ERCC6: variants seen among roughly 807,000 people sequenced by gnomAD.
The protein encoded by ERCC6 is ERCC excision repair 6, chromatin remodeling factor.
ERCC6 carries 116 observed loss-of-function variants against 158.7 expected under a neutral mutation model. The ratio of observed to expected loss-of-function variants is 0.73; its 90% CI spans 0.63 to 0.85. The LOEUF is 0.85. Among genes scored for constraint, ERCC6 ranks in the 40% least tolerant of loss-of-function variants. ERCC6 has a pLI of 0.00. For synonymous variants in ERCC6, 678 were observed against 659.3 expected, an observed-to-expected ratio of 1.03 and a Z score of -0.43; for missense variants, 1,698 against 1,799.4, an observed-to-expected ratio of 0.94 and a Z score of 1.02.
intron 20 of ERCC6, chr10:49,460,052 T>C (rs929046464): frequency 2.4e-6 from 1 of 418,416 alleles, no homozygotes; most frequent in Non-Finnish European, 4.5e-6. Context: ...TTTCAGAGGG[T>C]TGTGGTCTCT....
intron 8 of ERCC6, among the ~76,000 whole-genome samples, chr10:49,487,598 C>A (rs540328862): frequency 6.6e-6 from 1 of 152,166 alleles, no homozygotes; most frequent in African/African-American, 2.4e-5. Flanking sequence ...GTCAGACCTG[C>A]GACCTTTAGA....
intron 18 of ERCC6, among the ~76,000 whole-genome samples, chr10:49,469,653 C>T (rs992895921): frequency 6.6e-6 from 1 of 152,196 alleles, no homozygotes; most frequent in Admixed American, 6.5e-5. Flanking sequence ...TCAAGGCCAT[C>T]ACATTGTGAA....
chr10:49,483,740 G>A (rs1851023060), intron 8 of ERCC6, among the ~76,000 whole-genome samples: 1 of 151,598 alleles, frequency 6.6e-6, no homozygotes, highest in East Asian at 1.9e-4. Flanking sequence ...AGATGACAAA[G>A]TTATAATACA....
chr10:49,501,392 G>A (rs1182901255), intron 6 of ERCC6: 2 of 151,998 alleles, frequency 1.3e-5, no homozygotes, highest in Non-Finnish European at 2.9e-5. Context: ...GTTTACCAAA[G>A]GTACGAAAAG....
chr10:49,484,077 G>A (rs181313599), intron 8 of ERCC6, among the ~76,000 whole-genome samples: 11 of 150,220 alleles, frequency 7.3e-5, no homozygotes, highest in South Asian at 2.1e-4. Context: ...CCAGGAGTTC[G>A]AGACCAGCCT....
chr10:49,524,779 T>C lies in ERCC6; in HGVS notation c.653-2A>G, dbSNP rs1837271887. On this transcript the variant is annotated splice_acceptor_variant, in intron 4 of 20. Transcript: ENST00000355832. LOFTEE classifies it high-confidence loss of function. ...TGCCAAGACTGGATGGCCCCGGCTC[T>C]GAAAGAACAATAGCAATGCGTTTCG... The C allele has an allele frequency of 2.5e-6, 4 of 1,600,854 alleles. No homozygotes were observed. The highest frequency in any genetic ancestry group is 3.4e-6 in the Non-Finnish European group (4 of 1,179,930).
At chr10:49,479,589 C>T (rs753266801) in intron 10 of ERCC6, among the ~76,000 whole-genome samples, 4 of 152,142 alleles carry the variant, frequency 2.6e-5, no homozygotes, top group Non-Finnish European at 1.5e-5. Context: ...ATTATGATTT[C>T]TGATGCAGAG....
At chr10:49,523,832 A>G (rs1318977897) in intron 5 of ERCC6, among the ~76,000 whole-genome samples, 1 of 152,042 alleles carries the variant, frequency 6.6e-6, no homozygotes, top group Non-Finnish European at 1.5e-5. Flanking sequence ...AAGACCTAGA[A>G]GTACATGCAT....
chr10:49,534,364 T>G (rs1230963679), intron 1 of ERCC6, among the ~76,000 whole-genome samples: 4 of 152,194 alleles, frequency 2.6e-5, no homozygotes, highest in Non-Finnish European at 5.9e-5. Flanking sequence ...GTCAAGCAAT[T>G]CTAGGTATTT....
At chr10:49,482,962 TCA>T in intron 9 of ERCC6, 99 bp from the exon 10 acceptor site, 1 of 1,276,192 alleles carries the variant, frequency 7.8e-7, no homozygotes, top group Middle Eastern at 2.0e-4. Flanking sequence ...ACACATTTAC[TCA>T]TCATTCTTGC....
chr10:49,514,062 A>C (rs79347679), intron 5 of ERCC6, among the ~76,000 whole-genome samples: 2,235 of 152,272 alleles, frequency 0.015, 48 homozygotes, highest in African/African-American at 0.05. Context: ...AGGGTCCTCT[A>C]ACTGCCACAG....
At chr10:49,511,027 TAAG>T (rs931234562) in intron 5 of ERCC6, among the ~76,000 whole-genome samples, 36 of 150,972 alleles carry the variant, frequency 2.4e-4, no homozygotes, top group Admixed American at 7.3e-4. Context: ...AAAAAAAAGA[TAAG>T]GAGAAGGAAA....
At chr10:49,505,849 T>C (rs1386132684) in intron 6 of ERCC6, 35 bp downstream of exon 6, 6 of 1,611,792 alleles carry the variant, frequency 3.7e-6, no homozygotes, top group South Asian at 1.1e-5. Context: ...AATGGCTTGA[T>C]AGCAAATAGA....
intron 20 of ERCC6, 101 bp downstream of exon 20, chr10:49,460,272 C>A (rs1590396824): frequency 2.4e-6 from 2 of 822,008 alleles, no homozygotes; most frequent in East Asian, 4.9e-5. Flanking sequence ...GTCATTACAC[C>A]AGAGATGACC....
intron 4 of ERCC6, among the ~76,000 whole-genome samples, chr10:49,527,130 T>C (rs1392615799): frequency 6.6e-6 from 1 of 152,172 alleles, no homozygotes; most frequent in Non-Finnish European, 1.5e-5. Flanking sequence ...AAAGGGGCTC[T>C]TGGATTTGAG....
intron 1 of ERCC6, among the ~76,000 whole-genome samples, chr10:49,536,618 T>C (rs971950899): frequency 6.6e-6 from 1 of 152,142 alleles, no homozygotes; most frequent in Non-Finnish European, 1.5e-5. Flanking sequence ...GGAATAAATG[T>C]CCTGTACAAG....
chr10:49,435,426 A>G, the ERCC6 span, among the ~76,000 whole-genome samples: 3 of 152,232 alleles, frequency 2.0e-5, no homozygotes, highest in Non-Finnish European at 4.4e-5. Flanking sequence ...GCTAAGCAAC[A>G]AAAGTGGCCT....
intron 8 of ERCC6, among the ~76,000 whole-genome samples, chr10:49,489,957 T>C (rs1851143685): frequency 6.6e-6 from 1 of 152,226 alleles, no homozygotes; most frequent in South Asian, 2.1e-4. Context: ...TGAAATGCAG[T>C]GTTTATTGTT....
At chr10:49,524,998 CT>C in intron 4 of ERCC6, 5 of 1,149,158 alleles carry the variant, frequency 4.4e-6, no homozygotes, top group Non-Finnish European at 5.9e-6. Flanking sequence ...TTCTCAGTAA[CT>C]TTTCCCCAAA....
Sources: gnomAD v4.1 joint callset for allele counts (sites outside exome capture counted in the v4.1 genomes callset) on GRCh38, gnomAD v4.1.1 for gene constraint, MANE v1.5 for transcripts, NCBI Gene and HGNC (gene_info 2026-07-23, HGNC 2026-07-21) for gene names.